ATAD2B: variants seen among roughly 807,000 people sequenced by gnomAD.
The protein encoded by ATAD2B is ATPase family AAA domain containing 2B, also known as ATPase family AAA domain-containing protein 2B.
Under a neutral mutation model 167.6 loss-of-function variants are expected in ATAD2B, and 40 were observed. That is an observed-to-expected ratio of 0.24 (90% CI 0.19 to 0.31). ATAD2B has a LOEUF of 0.31. Among genes scored for constraint, ATAD2B ranks in the 10% least tolerant of loss-of-function variants. ATAD2B has a pLI of 1.00. For missense variants in ATAD2B, 1,242 were observed against 1,757.2 expected, an observed-to-expected ratio of 0.71 and a Z score of 5.24; for synonymous variants, 579 against 596.5, an observed-to-expected ratio of 0.97 and a Z score of 0.43.
At chr2:23,752,467 AT>A (rs1675462530) in intron 27 of ATAD2B, among the ~76,000 whole-genome samples, 1 of 149,860 alleles carries the variant, frequency 6.7e-6, no homozygotes, top group African/African-American at 2.4e-5. Context: ...ATACATAAAT[AT>A]AAGTAAATAT....
intron 1 of ATAD2B, among the ~76,000 whole-genome samples, chr2:23,926,100 AC>A (rs1220464865): frequency 2.6e-5 from 4 of 152,060 alleles, no homozygotes; most frequent in African/African-American, 9.7e-5. Context: ...AACTTGAACC[AC>A]CCCCAAACTG....
chr2:23,785,970 A>C, intron 21 of ATAD2B, 57 bp downstream of exon 21: 1 of 1,430,802 alleles, frequency 7.0e-7, no homozygotes, highest in African/African-American at 1.4e-5. Flanking sequence ...AAAGATGTCA[A>C]TATTTTTTTC....
At chr2:23,808,336 A>G (rs1684988765) in intron 18 of ATAD2B, among the ~76,000 whole-genome samples, 1 of 150,796 alleles carries the variant, frequency 6.6e-6, no homozygotes, top group African/African-American at 2.4e-5. Context: ...TGATGATACT[A>G]TGAAAGGCAG....
chr2:23,892,033 C>T (rs1361448700), intron 2 of ATAD2B, among the ~76,000 whole-genome samples: 1 of 152,222 alleles, frequency 6.6e-6, no homozygotes, highest in African/African-American at 2.4e-5. Flanking sequence ...TTAACCACTA[C>T]CACTCCTCAA....
chr2:23,860,738 A>C (rs1694213659), intron 12 of ATAD2B, among the ~76,000 whole-genome samples: 1 of 151,994 alleles, frequency 6.6e-6, no homozygotes, highest in Non-Finnish European at 1.5e-5. Flanking sequence ...TGGGAAGCCA[A>C]GGCAGGTGGA....
chr2:23,879,818 G>T (rs1460683817), intron 7 of ATAD2B, among the ~76,000 whole-genome samples: 1 of 152,106 alleles, frequency 6.6e-6, no homozygotes, highest in Admixed American at 6.6e-5. Context: ...ACTTTGGGAG[G>T]CCAAGGTGGG....
At chr2:23,781,793 T>TTTTC (rs942891928) in intron 22 of ATAD2B, among the ~76,000 whole-genome samples, 7 of 152,070 alleles carry the variant, frequency 4.6e-5, no homozygotes, top group African/African-American at 1.4e-4. Context: ...GTTTCTTTTT[T>TTTTC]TTTCTTTCTT....
Position 23,907,622 on chromosome 2 carries a change from A to G in ATAD2B, c.217-11652T>C, listed in dbSNP as rs138166823. ...TCACAGAATTGGAAAAAACTACTTT[A>G]AAGTTTTTAAACTTTAAACTTGGTT... On this transcript the variant is annotated intron_variant, in intron 1 of 27. Transcript: ENST00000238789. 3.7e-4 allele frequency among the ~76,000 whole-genome samples: 57 copies of G among 152,326 alleles called. No homozygotes were observed. The East Asian group carries it at 0.011, about 28-fold the overall frequency.
chr2:23,760,441 A>T (rs1444139599), intron 24 of ATAD2B, among the ~76,000 whole-genome samples: 2 of 152,022 alleles, frequency 1.3e-5, no homozygotes, highest in African/African-American at 4.8e-5. Flanking sequence ...CTGACGGATC[A>T]CTTGAAGTCA....
chr2:23,745,401 G>GAAGGAAGGAAGGAAGGAAGGAAGA (rs1558476079), downstream of ATAD2B, among the ~76,000 whole-genome samples: 1 of 122,058 alleles, frequency 8.2e-6, no homozygotes, highest in African/African-American at 3.3e-5. Context: ...AGGAAGGAAG[G>GAAGGAAGGAAGGAAGGAAGGAAGA]AAGGAAGGAA....
At chr2:23,777,972 C>G (rs1388137999) in intron 22 of ATAD2B, among the ~76,000 whole-genome samples, 1 of 152,066 alleles carries the variant, frequency 6.6e-6, no homozygotes, top group Non-Finnish European at 1.5e-5. Flanking sequence ...AGTTTTTTCC[C>G]CAAATGGCCA....
the ATAD2B span, among the ~76,000 whole-genome samples, chr2:23,683,214 C>T: frequency 6.6e-6 from 1 of 152,222 alleles, no homozygotes. Context: ...GGAGCAGGGG[C>T]GATGGCCGGT....
In ATAD2B at chr2:23,758,110, C is replaced by A. The variant is rs1572636053; in HGVS notation, c.3395-9G>T. 3.3e-6 allele frequency: 5 copies of A among 1,534,658 alleles called. No individual in the cohort carries two copies. Among genetic ancestry groups the A allele is most frequent in the Admixed American group, 2.2e-5 (1 of 46,202 alleles). On this transcript the variant is annotated splice_polypyrimidine_tract_variant and intron_variant, in intron 24 of 27. Coordinates refer to ENST00000238789, the MANE Select transcript of ATAD2B (RefSeq NM_017552.4). ...TTTTCTCCGAACCCGAACTGTTTTA[C>A]AAGGAAGGAAAAAAGATATGTAGAA...
intron 9 of ATAD2B, among the ~76,000 whole-genome samples, chr2:23,869,205 A>G (rs566083801): frequency 6.6e-6 from 1 of 152,350 alleles, no homozygotes; most frequent in African/African-American, 2.4e-5. Flanking sequence ...GGGAAAGATC[A>G]CCAGAGGCAC....
intron 8 of ATAD2B, among the ~76,000 whole-genome samples, chr2:23,875,218 C>T (rs920961823): frequency 2.6e-5 from 4 of 151,138 alleles, no homozygotes; most frequent in African/African-American, 9.7e-5. Context: ...AAAGTAGAAA[C>T]TGGTCGGGCG....
At chr2:23,754,064 TC>T in intron 27 of ATAD2B, 114 bp downstream of exon 27, 1 of 831,094 alleles carries the variant, frequency 1.2e-6, no homozygotes, top group Non-Finnish European at 1.8e-6. Context: ...TTCAAAACAT[TC>T]TTCAGCTACT....
intron 25 of ATAD2B, among the ~76,000 whole-genome samples, chr2:23,756,797 T>G (rs1394629886): frequency 6.6e-6 from 1 of 152,184 alleles, no homozygotes; most frequent in Non-Finnish European, 1.5e-5. Flanking sequence ...TAACAATGAC[T>G]TCCTGGAATG....
At chr2:23,740,808 G>A in the ATAD2B span, among the ~76,000 whole-genome samples, 2 of 152,148 alleles carry the variant, frequency 1.3e-5, no homozygotes, top group African/African-American at 2.4e-5. Context: ...AAACCCCATC[G>A]TCTCAGCCCC....
chr2:23,736,610 C>T, the ATAD2B span, among the ~76,000 whole-genome samples: 2 of 152,168 alleles, frequency 1.3e-5, no homozygotes, highest in South Asian at 2.1e-4. Context: ...CAGCTCCCAG[C>T]GTGAGCAATG....
Sources: allele counts gnomAD v4.1 joint callset (sites outside exome capture counted in the v4.1 genomes callset), GRCh38; gene constraint gnomAD v4.1.1; transcripts MANE v1.5; gene names NCBI Gene and HGNC (gene_info 2026-07-23, HGNC 2026-07-21).